GRAMD2A: variants seen among roughly 807,000 people sequenced by gnomAD.
The protein encoded by GRAMD2A is GRAM domain-containing protein 2A.
Under a neutral mutation model 51.1 loss-of-function variants are expected in GRAMD2A, and 37 were observed. That is an observed-to-expected ratio of 0.72 (90% CI 0.56 to 0.95). The LOEUF is 0.95. GRAMD2A is among the 40% of genes least tolerant of loss of function. The pLI is 0.00. For missense variants in GRAMD2A, 414 were observed against 426.9 expected, an observed-to-expected ratio of 0.97 and a Z score of 0.27; for synonymous variants, 136 against 157.1, an observed-to-expected ratio of 0.87 and a Z score of 1.01.
At chr15:72,191,569 T>C (rs1051185193) in intron 1 of GRAMD2A, among the ~76,000 whole-genome samples, 1 of 152,222 alleles carries the variant, frequency 6.6e-6, no homozygotes, top group Admixed American at 6.5e-5. Flanking sequence ...ATTAGACTAA[T>C]ACCATATTTC....
In GRAMD2A at chr15:72,170,370, G is replaced by C. The variant is rs192384294; in HGVS notation, c.42-431C>G. The C allele has an allele frequency of 2.2e-6, 1 of 456,860 alleles. No individual in the cohort carries two copies. Among genetic ancestry groups the C allele is most frequent in the South Asian group, 1.5e-5 (1 of 64,556 alleles). The allele number at this position is 456,860 out of a possible 1,614,324, so 28.3% of individuals were successfully genotyped here. ...GCATGACTGTAAACCATCAGGTTCC[G>C]GGAAAGTAGGCTGAGCACAGGAGGC... On this transcript the variant is annotated intron_variant, in intron 1 of 11. Coordinates refer to ENST00000309731, the MANE Select transcript of GRAMD2A (RefSeq NM_001012642.3). The surrounding 1 kb of genome is among the most constrained non-coding windows in gnomAD (Gnocchi z 4.5).
rs2081590870 is a variant in GRAMD2A, at chr15:72,169,829, T to C, written c.134+18A>G. 6.3e-7 allele frequency: 1 copy of C among 1,593,544 alleles called. No individual in the cohort carries two copies. The highest frequency in any genetic ancestry group is 1.7e-5 in the Admixed American group (1 of 59,996). Reference sequence around the variant, plus strand: ...CCTCTAGTCTGTGTGTATCTATGACTGGGAAAGGGGTCCTCACCTGTAGTC... The same window carrying C: ...CCTCTAGTCTGTGTGTATCTATGACCGGGAAAGGGGTCCTCACCTGTAGTC... On this transcript the variant is annotated intron_variant, in intron 2 of 11. Coordinates refer to ENST00000309731, the MANE Select transcript of GRAMD2A (RefSeq NM_001012642.3).
At chr15:72,171,081 C>T (rs2081605889) in intron 1 of GRAMD2A, among the ~76,000 whole-genome samples, 1 of 152,190 alleles carries the variant, frequency 6.6e-6, no homozygotes, top group African/African-American at 2.4e-5. Context: ...CTACAGTGAA[C>T]AGCCAGTGAC....
chr15:72,197,629 G>T, intron 1 of GRAMD2A, 102 bp downstream of exon 1: 1 of 956,962 alleles, frequency 1.0e-6, no homozygotes, highest in Non-Finnish European at 1.3e-6. Context: ...AGAACGCGCC[G>T]AGTTGCCGCG....
intron 1 of GRAMD2A, among the ~76,000 whole-genome samples, chr15:72,178,187 T>A (rs2081668993): frequency 6.6e-6 from 1 of 152,154 alleles, no homozygotes; most frequent in South Asian, 2.1e-4. Flanking sequence ...CTCCTGAGCC[T>A]TCTTCACCCT....
intron 10 of GRAMD2A, 50 bp downstream of exon 10, chr15:72,163,216 C>T: frequency 7.8e-7 from 1 of 1,275,356 alleles, no homozygotes; most frequent in Non-Finnish European, 1.1e-6. Context: ...TTGTTCCAAG[C>T]ACCTAGACAT....
At chr15:72,186,837 C>G (rs8032222) in intron 1 of GRAMD2A, among the ~76,000 whole-genome samples, 96,048 of 151,866 alleles carry the variant, frequency 0.63, 31,786 homozygotes, top group Middle Eastern at 0.74. Context: ...AAAAGTCCAA[C>G]ATGTATTGTA....
At chr15:72,168,796 C>T in intron 3 of GRAMD2A, 143 bp downstream of exon 3, 1 of 790,022 alleles carries the variant, frequency 1.3e-6, no homozygotes, top group Non-Finnish European at 2.2e-6. Context: ...GGACACACTA[C>T]TCCCACCCAG....
In GRAMD2A at chr15:72,166,530, C is replaced by T; in HGVS notation, c.543+102G>A. The T allele has an allele frequency of 1.2e-6, 1 of 816,266 alleles. No individual in the cohort carries two copies. 50.6% of individuals were successfully genotyped at this position (816,266 alleles called of 1,614,324 possible). A position where few individuals can be genotyped will look rare whatever the true frequency, so the allele number is the denominator to read the frequency against. On this transcript the variant is annotated intron_variant, in intron 7 of 11. Transcript: ENST00000309731. The surrounding 1 kb of genome is among the most constrained non-coding windows in gnomAD (Gnocchi z 4.1). ...TTAACTCCCCTCTCCCTGCCCCATT[C>T]CCTGTGCTGGAGAGATGGGCGACCT...
intron 1 of GRAMD2A, among the ~76,000 whole-genome samples, chr15:72,184,897 C>T (rs887379080): frequency 2.0e-5 from 3 of 152,126 alleles, no homozygotes; most frequent in Non-Finnish European, 4.4e-5. Context: ...CATAATCAAC[C>T]GACAAATCAT....
chr15:72,169,437 G>A, intron 2 of GRAMD2A: 1 of 513,262 alleles, frequency 1.9e-6, no homozygotes, highest in South Asian at 1.5e-5. Context: ...CCTGGCCACA[G>A]GCCATGATGC....
chr15:72,187,571 T>TG (rs2081742429), intron 1 of GRAMD2A, among the ~76,000 whole-genome samples: 1 of 152,154 alleles, frequency 6.6e-6, no homozygotes. Flanking sequence ...TGGAGTGCAG[T>TG]GGTGTGATAT....
chr15:72,168,615 C>T, intron 3 of GRAMD2A, 49 bp from the exon 4 acceptor site: 2 of 1,482,712 alleles, frequency 1.3e-6, no homozygotes, highest in Non-Finnish European at 1.9e-6. Flanking sequence ...ATGAGACCGC[C>T]AAAGGGGCCC....
At chr15:72,178,478 G>T (rs2081670758) in intron 1 of GRAMD2A, among the ~76,000 whole-genome samples, 1 of 151,872 alleles carries the variant, frequency 6.6e-6, no homozygotes, top group African/African-American at 2.4e-5. Flanking sequence ...AGAGAGGCAG[G>T]CTTATTATCA....
intron 2 of GRAMD2A, 88 bp downstream of exon 2, chr15:72,169,759 C>T (rs1473259911): frequency 7.3e-6 from 8 of 1,099,566 alleles, no homozygotes; most frequent in Admixed American, 3.4e-5. Context: ...CCGGCTCTGC[C>T]TTGAGGTCCT....
At chr15:72,167,506 A>G (rs8023788) in intron 5 of GRAMD2A, among the ~76,000 whole-genome samples, 99,912 of 152,232 alleles carry the variant, frequency 0.66, 33,681 homozygotes, top group Middle Eastern at 0.74. Context: ...TGAACTGTTC[A>G]GGCCAGCTCA....
At chr15:72,179,881 C>CT (rs2081683882) in intron 1 of GRAMD2A, among the ~76,000 whole-genome samples, 1 of 152,230 alleles carries the variant, frequency 6.6e-6, no homozygotes, top group Non-Finnish European at 1.5e-5. Flanking sequence ...AAGCTCCATA[C>CT]ATGTCCTCCA....
chr15:72,195,119 T>C (rs2081795469), intron 1 of GRAMD2A, among the ~76,000 whole-genome samples: 1 of 152,250 alleles, frequency 6.6e-6, no homozygotes, highest in Non-Finnish European at 1.5e-5. Flanking sequence ...CAGGCCCACT[T>C]GTCCAATCAC....
chr15:72,177,064 C>A (rs1279402232), intron 1 of GRAMD2A, among the ~76,000 whole-genome samples: 1 of 151,550 alleles, frequency 6.6e-6, no homozygotes, highest in South Asian at 2.1e-4. Context: ...GAGATAAGGT[C>A]TTGCTCTGTT....
Sources: gnomAD v4.1 joint callset for allele counts (sites outside exome capture counted in the v4.1 genomes callset) on GRCh38, gnomAD v4.1.1 for gene constraint, Gnocchi (gnomAD v3.1) non-coding constraint, MANE v1.5 for transcripts, NCBI Gene and HGNC (gene_info 2026-07-23, HGNC 2026-07-21) for gene names.